SETD7: variants seen among roughly 807,000 people sequenced by gnomAD.
The protein encoded by SETD7 is SET domain containing 7, histone lysine methyltransferase.
Under a neutral mutation model 41.8 loss-of-function variants are expected in SETD7, and 16 were observed. That is an observed-to-expected ratio of 0.38 (90% CI 0.26 to 0.58). SETD7 has a LOEUF of 0.58. Ranked by LOEUF, SETD7 falls within the 20% of genes least tolerant of loss-of-function variation. SETD7 has a pLI of 0.64. For missense variants in SETD7, 346 were observed against 459.7 expected, an observed-to-expected ratio of 0.75 and a Z score of 2.26; for synonymous variants, 163 against 169.7, an observed-to-expected ratio of 0.96 and a Z score of 0.31.
At position 139,509,832 on chromosome 4, in the gene SETD7, T is replaced by C; in HGVS notation, c.*1831A>G. On this transcript the variant is annotated 3_prime_UTR_variant, in exon 8 of 8. Coordinates refer to ENST00000274031, the MANE Select transcript of SETD7 (RefSeq NM_030648.4). ...CAGTTCCTTTGGTGGGCAATCTTCC[T>C]GGAAGCACTGACAACTTCCTCTCAT... The C allele has an allele frequency of 1.0e-6, 1 of 985,528 alleles. No individual in the cohort carries two copies. Among genetic ancestry groups the C allele is most frequent in the Non-Finnish European group, 1.2e-6 (1 of 830,004 alleles). 61.0% of individuals were successfully genotyped at this position (985,528 alleles called of 1,614,324 possible).
intron 6 of SETD7, among the ~76,000 whole-genome samples, chr4:139,518,665 GA>G (rs564803203): frequency 4.7e-5 from 7 of 150,118 alleles, no homozygotes; most frequent in East Asian, 3.9e-4. Context: ...GGAGGCAAAA[GA>G]AAAAAAAACA....
At chr4:139,525,981 T>A (rs1254571721) in intron 4 of SETD7, among the ~76,000 whole-genome samples, 1 of 152,218 alleles carries the variant, frequency 6.6e-6, no homozygotes, top group Non-Finnish European at 1.5e-5. Flanking sequence ...CTTTCTTTTC[T>A]GCGTTAAGTT....
At chr4:139,497,776 A>G (rs185376036) in intron 7 of SETD7, among the ~76,000 whole-genome samples, 36 of 152,120 alleles carry the variant, frequency 2.4e-4, no homozygotes, top group Admixed American at 2.2e-3. Context: ...TATTTTTAGT[A>G]GAGATGGGTT....
chr4:139,495,799 T>C (rs1430491159), downstream of SETD7: 1 of 152,272 alleles, frequency 6.6e-6, no homozygotes, highest in Non-Finnish European at 1.5e-5. Flanking sequence ...TGATCTCTGA[T>C]ATATTCACTT....
At chr4:139,523,514 C>G (rs1370675347) in intron 4 of SETD7, 79 bp from the exon 5 acceptor site, 5 of 1,051,724 alleles carry the variant, frequency 4.8e-6, no homozygotes, top group Middle Eastern at 2.1e-4. Context: ...ATTCATGGGA[C>G]AACGAAGAGT....
chr4:139,509,940 A>G lies in SETD7; in HGVS notation c.*1723T>C. On this transcript the variant is annotated 3_prime_UTR_variant, in exon 8 of 8. Transcript: ENST00000274031. ...ACTGCCACCTAGCTGCAAAGCATGCAACCGGGTGCTCTAGGAAGCCTGGTG... is the reference window on the plus strand; with the variant it reads ...ACTGCCACCTAGCTGCAAAGCATGCGACCGGGTGCTCTAGGAAGCCTGGTG... 1 of 965,716 alleles carries G rather than the reference A, an allele frequency of 1.0e-6. No individual in the cohort carries two copies. Among genetic ancestry groups the G allele is most frequent in the Non-Finnish European group, 1.2e-6 (1 of 811,988 alleles). The allele number at this position is 965,716 out of a possible 1,614,324, so 59.8% of individuals were successfully genotyped here. A position where few individuals can be genotyped will look rare whatever the true frequency, so the allele number is the denominator to read the frequency against.
chr4:139,517,309 T>C (rs1396110446), intron 7 of SETD7, among the ~76,000 whole-genome samples: 1 of 152,158 alleles, frequency 6.6e-6, no homozygotes, highest in African/African-American at 2.4e-5. Context: ...AACCCATCTC[T>C]ACTAAAAATA....
downstream of SETD7, among the ~76,000 whole-genome samples, chr4:139,494,895 T>G (rs1726425650): frequency 6.6e-6 from 1 of 152,256 alleles, no homozygotes; most frequent in Admixed American, 6.5e-5. Flanking sequence ...AAACTAGAAT[T>G]CTTTTTAATG....
chr4:139,497,544 T>C (rs1726484590), intron 7 of SETD7, among the ~76,000 whole-genome samples: 1 of 152,074 alleles, frequency 6.6e-6, no homozygotes, highest in Non-Finnish European at 1.5e-5. Flanking sequence ...AACCTGATGA[T>C]AGGAAAGAAC....
chr4:139,509,366 T>A lies in SETD7; in HGVS notation c.*2297A>T, dbSNP rs990877547. On this transcript the variant is annotated 3_prime_UTR_variant, in exon 8 of 8. Transcript: ENST00000274031. ...CAGAGTGTTACCATTCAATATCTCA[T>A]CTGAAGAACTGATTAGCAGACTAAT... 6 of 152,180 alleles carry A rather than the reference T, an allele frequency of 3.9e-5. No homozygotes were observed. The allele number at this position is 152,180 out of a possible 1,614,324, so 9.4% of individuals were successfully genotyped here.
At chr4:139,503,275 A>G (rs1412053448), downstream of SETD7, among the ~76,000 whole-genome samples, 2 of 151,840 alleles carry the variant, frequency 1.3e-5, no homozygotes, top group African/African-American at 4.8e-5. Flanking sequence ...TGGTAGGCTA[A>G]GTGGATGATG....
In SETD7 at chr4:139,517,867, G is replaced by A. The variant is rs772626078; in HGVS notation, c.920+18C>T. ...CCTGAGGCATAGATCCGCCCCAGCA[G>A]CTCTGGGTAATACTTACATATCGTA... On this transcript the variant is annotated intron_variant, in intron 7 of 7. Coordinates refer to ENST00000274031, the MANE Select transcript of SETD7 (RefSeq NM_030648.4). The A allele has an allele frequency of 6.2e-7, 1 of 1,607,328 alleles. No individual in the cohort carries two copies. Among genetic ancestry groups the A allele is most frequent in the Admixed American group, 1.7e-5 (1 of 59,524 alleles).
At chr4:139,529,282 A>T (rs771069555) in intron 3 of SETD7, 62 bp from the exon 4 acceptor site, 140 of 1,390,572 alleles carry the variant, frequency 1.0e-4, no homozygotes, top group Non-Finnish European at 1.9e-5. Context: ...CATGAGTCCC[A>T]AGAAATTTCT....
intron 7 of SETD7, among the ~76,000 whole-genome samples, chr4:139,497,590 TTTTTTTG>T (rs1305724358): frequency 4.0e-5 from 6 of 149,922 alleles, no homozygotes; most frequent in Admixed American, 2.0e-4. Flanking sequence ...TGTTTTTTTG[TTTTTTTG>T]TTTTTTTTTT....
intron 4 of SETD7, among the ~76,000 whole-genome samples, chr4:139,526,788 C>T (rs1417662156): frequency 6.6e-6 from 1 of 152,148 alleles, no homozygotes; most frequent in Non-Finnish European, 1.5e-5. Context: ...AAAAATGCTG[C>T]TACTTCTGAA....
chr4:139,527,283 G>A (rs1277430440), intron 4 of SETD7, among the ~76,000 whole-genome samples: 1 of 152,216 alleles, frequency 6.6e-6, no homozygotes, highest in Non-Finnish European at 1.5e-5. Flanking sequence ...GCTGGGTGCA[G>A]TAGTTTATGT....
intron 7 of SETD7, among the ~76,000 whole-genome samples, chr4:139,513,458 G>T (rs1416329414): frequency 2.6e-5 from 4 of 152,006 alleles, no homozygotes; most frequent in Non-Finnish European, 2.9e-5. Context: ...GGTGCTTGGG[G>T]CATGATAGTA....
At chr4:139,505,581 T>G (rs1180791878), downstream of SETD7, among the ~76,000 whole-genome samples, 1 of 151,856 alleles carries the variant, frequency 6.6e-6, no homozygotes, top group Non-Finnish European at 1.5e-5. Context: ...AGAGTGAGAC[T>G]TCATCTCAGA....
chr4:139,498,854 T>C (rs1346522573), intron 7 of SETD7, among the ~76,000 whole-genome samples: 3 of 152,244 alleles, frequency 2.0e-5, no homozygotes, highest in Admixed American at 1.3e-4. Context: ...CTCATGCCTG[T>C]AATCCCAGCA....
Sources: allele counts gnomAD v4.1 joint callset (sites outside exome capture counted in the v4.1 genomes callset), GRCh38; gene constraint gnomAD v4.1.1; transcripts MANE v1.5; gene names NCBI Gene and HGNC (gene_info 2026-07-23, HGNC 2026-07-21).